Variants in ERP44 observed in about 807,000 individuals in gnomAD.
The protein encoded by ERP44 is endoplasmic reticulum resident protein 44.
Under a neutral mutation model 53.4 loss-of-function variants are expected in ERP44, and 25 were observed. The ratio of observed to expected loss-of-function variants is 0.47; its 90% CI spans 0.34 to 0.65. ERP44 has a LOEUF of 0.65. Among genes scored for constraint, ERP44 ranks in the 30% least tolerant of loss-of-function variants. The pLI, the probability that ERP44 is intolerant of heterozygous loss-of-function variation, is 0.01. For missense variants in ERP44, 338 were observed against 493.2 expected (o/e 0.69, Z 2.98); for synonymous variants, 145 against 161.2 (o/e 0.90, Z 0.76).
At chr9:100,032,141 G>T (rs749254443) in intron 4 of ERP44, among the ~76,000 whole-genome samples, 8 of 152,012 alleles carry the variant, frequency 5.3e-5, no homozygotes, top group Non-Finnish European at 1.2e-4. Flanking sequence ...CCAGGATCTG[G>T]TATAAAAATG....
chr9:100,082,829 A>T (rs1723964980), intron 1 of ERP44, among the ~76,000 whole-genome samples: 1 of 152,112 alleles, frequency 6.6e-6, no homozygotes, highest in Non-Finnish European at 1.5e-5. Flanking sequence ...TTAACTGTAT[A>T]TTAAAAAGCA....
intron 1 of ERP44, among the ~76,000 whole-genome samples, chr9:100,085,320 A>C (rs1826468530): frequency 6.6e-6 from 1 of 152,240 alleles, no homozygotes. Flanking sequence ...TCAAATTAAA[A>C]TATCCATCAT....
At chr9:100,012,196 T>C (rs1466156199) in intron 8 of ERP44, among the ~76,000 whole-genome samples, 1 of 152,178 alleles carries the variant, frequency 6.6e-6, no homozygotes, top group African/African-American at 2.4e-5. Flanking sequence ...TCTTCTATAA[T>C]TCAAAATTCC....
intron 11 of ERP44, 47 bp downstream of exon 11, chr9:99,984,920 A>G (rs1407123650): frequency 7.9e-7 from 1 of 1,260,498 alleles, no homozygotes; most frequent in Non-Finnish European, 1.1e-6. Flanking sequence ...GGCTAACTGA[A>G]AAAGGGAAAA....
chr9:100,042,516 T>G (rs542255137), intron 4 of ERP44, among the ~76,000 whole-genome samples: 1 of 152,130 alleles, frequency 6.6e-6, no homozygotes, highest in East Asian at 1.9e-4. Flanking sequence ...TCAAAAAAAG[T>G]AAAAATAGAA....
rs536780559 is a variant in ERP44 at position 100,095,437 on chromosome 9, G to A, written c.57+3347C>T. On this transcript the variant is annotated intron_variant, in intron 1 of 11. Coordinates refer to ENST00000262455, the MANE Select transcript of ERP44 (RefSeq NM_015051.3). ...TTATATAGCCCTTGCTTTGAACAAT[G>A]CTGTTTATTTTTTTTTAAAAAAAGG... 2.6e-5 allele frequency among the ~76,000 whole-genome samples: 4 copies of A among 152,154 alleles called. No homozygotes were observed. In the South Asian group the frequency reaches 8.3e-4, roughly 32 times the overall value.
At chr9:100,036,091 A>G (rs1049765161) in intron 4 of ERP44, among the ~76,000 whole-genome samples, 1 of 152,258 alleles carries the variant, frequency 6.6e-6, no homozygotes, top group African/African-American at 2.4e-5. Flanking sequence ...GGACACATGC[A>G]TGCATATGTT....
At chr9:100,075,214 C>T (rs972993542) in intron 1 of ERP44, among the ~76,000 whole-genome samples, 2 of 152,176 alleles carry the variant, frequency 1.3e-5, no homozygotes, top group Admixed American at 6.5e-5. Context: ...AGAGGATTAT[C>T]GTAAGCTTAA....
intron 1 of ERP44, among the ~76,000 whole-genome samples, chr9:100,073,145 C>T (rs1014911703): frequency 1.3e-5 from 2 of 152,072 alleles, no homozygotes; most frequent in Non-Finnish European, 2.9e-5. Context: ...AAAATAAGTA[C>T]CCTGTAACAA....
At chr9:100,023,221 T>A (rs1830613278) in intron 4 of ERP44, among the ~76,000 whole-genome samples, 1 of 151,974 alleles carries the variant, frequency 6.6e-6, no homozygotes, top group South Asian at 2.1e-4. Context: ...AGATGATGGG[T>A]CCTATTACCT....
intron 11 of ERP44, among the ~76,000 whole-genome samples, chr9:99,984,585 T>C (rs1830178522): frequency 6.6e-6 from 1 of 152,236 alleles, no homozygotes. Flanking sequence ...TTCTTTATAG[T>C]GTGGTCAATC....
intron 1 of ERP44, among the ~76,000 whole-genome samples, chr9:100,080,814 C>T (rs1434679230): frequency 6.6e-6 from 1 of 151,936 alleles, no homozygotes; most frequent in African/African-American, 2.4e-5. Flanking sequence ...CAATGAGCTG[C>T]CTTGCAAACG....
intron 1 of ERP44, among the ~76,000 whole-genome samples, chr9:100,077,630 C>T (rs1468652814): frequency 6.6e-6 from 1 of 152,124 alleles, no homozygotes; most frequent in East Asian, 1.9e-4. Flanking sequence ...GTCTTAGTTC[C>T]AGAGGGAGGA....
intron 4 of ERP44, among the ~76,000 whole-genome samples, chr9:100,044,172 C>T (rs1311381783): frequency 2.0e-5 from 3 of 152,008 alleles, no homozygotes; most frequent in Non-Finnish European, 4.4e-5. Context: ...AACTGTAGTG[C>T]CTACAAAACA....
intron 1 of ERP44, among the ~76,000 whole-genome samples, chr9:100,068,172 T>G (rs1309687464): frequency 3.9e-5 from 5 of 127,052 alleles, no homozygotes; most frequent in Admixed American, 7.7e-5. Context: ...GGAGCCCCTC[T>G]CCCCGGCCAG....
At chr9:100,044,485 A>T (rs1463696748) in intron 4 of ERP44, among the ~76,000 whole-genome samples, 1 of 152,100 alleles carries the variant, frequency 6.6e-6, no homozygotes, top group Non-Finnish European at 1.5e-5. Context: ...AAAATGAAAA[A>T]CTCAGGACAA....
chr9:100,062,175 A>G (rs1826158452), intron 1 of ERP44, among the ~76,000 whole-genome samples: 1 of 152,214 alleles, frequency 6.6e-6, no homozygotes, highest in Non-Finnish European at 1.5e-5. Context: ...GTATGTCTGT[A>G]CATCAACCTA....
rs535569311 is a variant in ERP44 at position 99,988,252 on chromosome 9, A to G, written c.1017-3183T>C. 4.7e-4 allele frequency among the ~76,000 whole-genome samples: 72 copies of G among 152,334 alleles called. 1 individual carries two copies. The highest frequency in any genetic ancestry group is 1.6e-3 in the African/African-American group (66 of 41,580). ...ACATTCTATCAGTATCTTTCACAGA[A>G]CAAAAGTTTTTAATTTGATGAAGAC... On this transcript the variant is annotated intron_variant, in intron 10 of 11. Transcript: ENST00000262455.
rs569447372 is a variant in ERP44, at chr9:100,046,750, T to A, written c.286+5667A>T. On this transcript the variant is annotated intron_variant, in intron 4 of 11. Coordinates refer to ENST00000262455, the MANE Select transcript of ERP44 (RefSeq NM_015051.3). Reference sequence around the variant, plus strand: ...GTTAAAATCCCAGTCGCCTTTTATGTTGTCATTAAAAATTAACAAGCTGAT... The same window carrying A: ...GTTAAAATCCCAGTCGCCTTTTATGATGTCATTAAAAATTAACAAGCTGAT... Among the ~76,000 whole-genome samples the A allele has an allele frequency of 1.4e-4, 21 of 152,300 alleles. No homozygotes were observed. The South Asian group carries it at 4.3e-3, about 32-fold the overall frequency.
Sources: gnomAD v4.1 joint callset for allele counts (sites outside exome capture counted in the v4.1 genomes callset) on GRCh38, gnomAD v4.1.1 for gene constraint, MANE v1.5 for transcripts, NCBI Gene and HGNC (gene_info 2026-07-23, HGNC 2026-07-21) for gene names.